DIP2C: variants seen among roughly 807,000 people sequenced by gnomAD.
The protein encoded by DIP2C is disco-interacting protein 2 homolog C.
A neutral mutation model predicts 192.4 loss-of-function variants in DIP2C; 33 were observed. The ratio of observed to expected loss-of-function variants is 0.17; its 90% CI spans 0.13 to 0.23. The LOEUF is 0.23. Among genes scored for constraint, DIP2C ranks in the 10% least tolerant of loss-of-function variants. The pLI is 1.00. For missense variants in DIP2C, 1,537 were observed against 2,110.1 expected (o/e 0.73, Z 5.32); for synonymous variants, 979 against 864.1 (o/e 1.13, Z -2.33).
intron 1 of DIP2C, among the ~76,000 whole-genome samples, chr10:603,856 C>CAT (rs1852271660): frequency 6.6e-6 from 1 of 152,180 alleles, no homozygotes; most frequent in East Asian, 1.9e-4. Flanking sequence ...TCTCCCAAAT[C>CAT]AGAGGCCACC....
chr10:332,717 G>C (rs1347008367), intron 29 of DIP2C, among the ~76,000 whole-genome samples: 1 of 152,168 alleles, frequency 6.6e-6, no homozygotes, highest in African/African-American at 2.4e-5. Flanking sequence ...TCGCACATTA[G>C]CAATTTGATG....
At chr10:418,038 T>A (rs77133160) in intron 6 of DIP2C, among the ~76,000 whole-genome samples, 711 of 12,410 alleles carry the variant, frequency 0.057, 104 homozygotes, top group Non-Finnish European at 0.09. Flanking sequence ...GTCCACCTGT[T>A]CCTGTCAGGG....
chr10:349,276 C>G, intron 25 of DIP2C, 55 bp downstream of exon 25: 1 of 1,577,478 alleles, frequency 6.3e-7, no homozygotes, highest in East Asian at 2.3e-5. Flanking sequence ...GACCTCCTCG[C>G]ACCGCGGCTG....
At chr10:458,991 CAAA>C (rs35681631) in intron 3 of DIP2C, among the ~76,000 whole-genome samples, 20 of 102,694 alleles carry the variant, frequency 1.9e-4, no homozygotes, top group East Asian at 2.7e-4. Flanking sequence ...TCAACTTTTT[CAAA>C]AAAAAAAAAA....
intron 1 of DIP2C, among the ~76,000 whole-genome samples, chr10:684,668 CA>C (rs1831247097): frequency 6.6e-6 from 1 of 152,126 alleles, no homozygotes; most frequent in Admixed American, 6.5e-5. Flanking sequence ...AACTCCATTC[CA>C]AAGCCACAAA....
chr10:299,749 A>C (rs1955929059), intron 32 of DIP2C, among the ~76,000 whole-genome samples: 1 of 152,148 alleles, frequency 6.6e-6, no homozygotes. Context: ...ATATCTGTTA[A>C]GGGGCTAATA....
At chr10:480,011 C>T (rs901355198) in intron 2 of DIP2C, among the ~76,000 whole-genome samples, 1 of 148,472 alleles carries the variant, frequency 6.7e-6, no homozygotes, top group East Asian at 2.0e-4. Context: ...CCAGTCGACG[C>T]TCACTGGATG....
intron 1 of DIP2C, among the ~76,000 whole-genome samples, chr10:616,861 T>C (rs1853504443): frequency 6.6e-6 from 1 of 152,182 alleles, no homozygotes; most frequent in Non-Finnish European, 1.5e-5. Context: ...TGGCCTCTAC[T>C]CATTTGCAGG....
At chr10:336,144 G>C (rs1957758895) in intron 29 of DIP2C, among the ~76,000 whole-genome samples, 1 of 152,202 alleles carries the variant, frequency 6.6e-6, no homozygotes, top group South Asian at 2.1e-4. Flanking sequence ...TGAGGTGGGA[G>C]GATAGCTTGA....
At chr10:365,176 A>G (rs1838653108) in intron 19 of DIP2C, among the ~76,000 whole-genome samples, 1 of 152,214 alleles carries the variant, frequency 6.6e-6, no homozygotes. Context: ...AGAAAGTTGA[A>G]TTCACACTCA....
intron 34 of DIP2C, among the ~76,000 whole-genome samples, chr10:285,230 T>C (rs1955045175): frequency 6.6e-6 from 1 of 151,260 alleles, no homozygotes; most frequent in Admixed American, 6.6e-5. Context: ...GCTTGCTCAT[T>C]GGTCAGGTGT....
chr10:584,169 A>C (rs896538552), intron 1 of DIP2C, among the ~76,000 whole-genome samples: 2 of 152,164 alleles, frequency 1.3e-5, no homozygotes, highest in African/African-American at 4.8e-5. Flanking sequence ...CTAAAAACAA[A>C]ACATCAACTA....
intron 18 of DIP2C, 57 bp from the exon 19 acceptor site, chr10:366,468 AG>A: frequency 1.2e-6 from 2 of 1,610,140 alleles, no homozygotes; most frequent in Non-Finnish European, 1.7e-6. Flanking sequence ...GGGAGAATAA[AG>A]GAAACAGGGA....
chr10:402,279 G>T (rs528357628), intron 9 of DIP2C, among the ~76,000 whole-genome samples: 2 of 16,336 alleles, frequency 1.2e-4, no homozygotes, highest in African/African-American at 1.4e-4. Flanking sequence ...GACAAGTTTG[G>T]TATGTGTTCA....
At chr10:544,096 G>T (rs977609679) in intron 1 of DIP2C, among the ~76,000 whole-genome samples, 5 of 152,206 alleles carry the variant, frequency 3.3e-5, no homozygotes, top group Admixed American at 2.6e-4. Context: ...CATGACCTTT[G>T]GTACTGCCAT....
intron 1 of DIP2C, among the ~76,000 whole-genome samples, chr10:578,185 G>A (rs1001995981): frequency 1.6e-4 from 24 of 152,136 alleles, no homozygotes; most frequent in African/African-American, 5.3e-4. Context: ...AGTACCTGAA[G>A]ATGAACTTAC....
At chr10:459,147 T>G (rs575136567) in intron 3 of DIP2C, among the ~76,000 whole-genome samples, 31 of 152,096 alleles carry the variant, frequency 2.0e-4, no homozygotes, top group Non-Finnish European at 4.3e-4. Flanking sequence ...TCAAAACTTT[T>G]TAAAAAACAA....
intron 1 of DIP2C, among the ~76,000 whole-genome samples, chr10:496,853 G>A (rs983727796): frequency 6.6e-5 from 10 of 152,160 alleles, no homozygotes; most frequent in Non-Finnish European, 1.0e-4. Context: ...GGCCAGGCAC[G>A]GTGGCTCACA....
chr10:431,782 A>C (rs1376188577), intron 4 of DIP2C, among the ~76,000 whole-genome samples: 1 of 152,252 alleles, frequency 6.6e-6, no homozygotes, highest in Non-Finnish European at 1.5e-5. Context: ...GTTGAAAAGA[A>C]GTGGTGAGAG....
Sources: gnomAD v4.1 joint callset for allele counts (sites outside exome capture counted in the v4.1 genomes callset) on GRCh38, gnomAD v4.1.1 for gene constraint, MANE v1.5 for transcripts, NCBI Gene and HGNC (gene_info 2026-07-23, HGNC 2026-07-21) for gene names.